The following SLAIN2 variants were observed in gnomAD, a reference collection of about 807,000 sequenced individuals.
The protein encoded by SLAIN2 is SLAIN motif-containing protein 2.
A neutral mutation model predicts 56.6 loss-of-function variants in SLAIN2; 31 were observed. The ratio of observed to expected loss-of-function variants is 0.55; its 90% CI spans 0.41 to 0.74. The LOEUF (loss-of-function observed/expected upper bound fraction) is 0.74. Among genes scored for constraint, SLAIN2 ranks in the 30% least tolerant of loss-of-function variants. SLAIN2 has a pLI of 0.00. For synonymous variants in SLAIN2, 317 were observed against 284.9 expected (o/e 1.11, Z -1.13); for missense variants, 777 against 754.2 (o/e 1.03, Z -0.35).
Position 48,416,690 on chromosome 4 carries a change from T to G in SLAIN2, c.1361-3435T>G, listed in dbSNP as rs1390939968. Among the ~76,000 whole-genome samples the G allele has an allele frequency of 2.0e-5, 3 of 150,780 alleles. No individual in the cohort carries two copies. In the South Asian group the frequency reaches 6.3e-4, roughly 32 times the overall value. ...AGTGCAATCAAACTAGAACTCAGGA[T>G]TAAAAATCTCACTCAAAGCCGCTCA... On this transcript the variant is annotated intron_variant, in intron 6 of 7. Transcript: ENST00000264313.
At chr4:48,420,034 C>T (rs1016469499) in intron 6 of SLAIN2, 91 bp from the exon 7 acceptor site, 1 of 1,258,392 alleles carries the variant, frequency 7.9e-7, no homozygotes, top group Admixed American at 2.1e-5. Context: ...TACACATGTA[C>T]TAGTGCCCAA....
chr4:48,407,221 C>G (rs190251489), intron 6 of SLAIN2, among the ~76,000 whole-genome samples: 58 of 151,836 alleles, frequency 3.8e-4, no homozygotes, highest in African/African-American at 1.3e-3. Flanking sequence ...TTGTCTGTTT[C>G]TCTTACATTA....
At chr4:48,392,988 A>C (rs1395462623) in intron 6 of SLAIN2, among the ~76,000 whole-genome samples, 2 of 151,800 alleles carry the variant, frequency 1.3e-5, no homozygotes, top group African/African-American at 4.8e-5. Flanking sequence ...GAGTAGATGA[A>C]TAAAAATATA....
chr4:48,414,136 G>T (rs1716935990), intron 6 of SLAIN2, among the ~76,000 whole-genome samples: 1 of 152,106 alleles, frequency 6.6e-6, no homozygotes, highest in South Asian at 2.1e-4. Context: ...TCTAATTTTT[G>T]CTCAGAGCAG....
At chr4:48,345,553 A>C (rs1328149829) in intron 1 of SLAIN2, among the ~76,000 whole-genome samples, 2 of 152,132 alleles carry the variant, frequency 1.3e-5, no homozygotes, top group Non-Finnish European at 2.9e-5. Flanking sequence ...ATTATGCTTA[A>C]TATGAGCCTG....
At chr4:48,357,225 G>A (rs1394079710) in intron 1 of SLAIN2, among the ~76,000 whole-genome samples, 1 of 151,896 alleles carries the variant, frequency 6.6e-6, no homozygotes, top group Admixed American at 6.6e-5. Flanking sequence ...AAAAGACGCC[G>A]TATATTTGAA....
intron 1 of SLAIN2, among the ~76,000 whole-genome samples, chr4:48,360,598 A>C (rs1402079096): frequency 6.6e-6 from 1 of 152,104 alleles, no homozygotes; most frequent in East Asian, 1.9e-4. Context: ...TCTCCAAAAA[A>C]AATTAAAAAA....
At chr4:48,353,455 G>T (rs1715064994) in intron 1 of SLAIN2, among the ~76,000 whole-genome samples, 1 of 151,510 alleles carries the variant, frequency 6.6e-6, no homozygotes, top group African/African-American at 2.4e-5. Flanking sequence ...GGCAAAGTAA[G>T]GCTAGGTTAG....
chr4:48,346,202 A>C (rs1165450056), intron 1 of SLAIN2, among the ~76,000 whole-genome samples: 2 of 152,162 alleles, frequency 1.3e-5, no homozygotes, highest in Non-Finnish European at 2.9e-5. Flanking sequence ...TGAATTTTGC[A>C]AGGAATCAGT....
intron 6 of SLAIN2, among the ~76,000 whole-genome samples, chr4:48,406,562 A>T (rs1716703754): frequency 7.2e-6 from 1 of 139,086 alleles, no homozygotes; most frequent in Non-Finnish European, 1.5e-5. Flanking sequence ...AGCTATATCC[A>T]CATTGTCAGA....
intron 1 of SLAIN2, among the ~76,000 whole-genome samples, chr4:48,365,632 C>G (rs886164638): frequency 7.2e-5 from 11 of 151,784 alleles, no homozygotes; most frequent in African/African-American, 2.7e-4. Context: ...GGGATCTTGG[C>G]TCACTGCAAC....
Position 48,379,990 on chromosome 4 carries a change from A to G in SLAIN2, c.862+142A>G, listed in dbSNP as rs573629417. The G allele has an allele frequency of 1.7e-4, 130 of 752,406 alleles. No homozygotes were observed. In the East Asian group the frequency reaches 3.8e-3, roughly 22 times the overall value. The allele number at this position is 752,406 out of a possible 1,614,324, so 46.6% of individuals were successfully genotyped here. A position where few individuals can be genotyped will look rare whatever the true frequency, so the allele number is the denominator to read the frequency against. ...AGTGGACATTTCAGAGACTTAGTCA[A>G]CATATGTACATGTTTATTCATCAAC... On this transcript the variant is annotated intron_variant, in intron 4 of 7. Transcript: ENST00000264313.
intron 1 of SLAIN2, among the ~76,000 whole-genome samples, chr4:48,358,095 C>A (rs764127944): frequency 6.6e-6 from 1 of 152,136 alleles, no homozygotes; most frequent in Non-Finnish European, 1.5e-5. Context: ...TTCTGGAGCA[C>A]TTTTGGTTTT....
At chr4:48,352,047 A>G (rs1009689000) in intron 1 of SLAIN2, among the ~76,000 whole-genome samples, 23 of 152,212 alleles carry the variant, frequency 1.5e-4, no homozygotes, top group African/African-American at 5.3e-4. Context: ...AAGCTGAATC[A>G]TTGGGTTGGA....
At chr4:48,365,920 G>A (rs1230936799) in intron 1 of SLAIN2, among the ~76,000 whole-genome samples, 2 of 151,676 alleles carry the variant, frequency 1.3e-5, no homozygotes, top group Admixed American at 6.6e-5. Context: ...ATTGATTTTA[G>A]ACCTCTTTTC....
chr4:48,356,033 C>CT (rs1715145648), intron 1 of SLAIN2, among the ~76,000 whole-genome samples: 1 of 152,062 alleles, frequency 6.6e-6, no homozygotes, highest in East Asian at 1.9e-4. Context: ...TTTGTAGATG[C>CT]TTTATCAACA....
At chr4:48,375,987 A>C (rs1488517371) in intron 2 of SLAIN2, among the ~76,000 whole-genome samples, 1 of 152,148 alleles carries the variant, frequency 6.6e-6, no homozygotes. Flanking sequence ...TGCCCTTTGC[A>C]CCTTTATGAT....
chr4:48,407,905 GAT>G (rs1716742096), intron 6 of SLAIN2, among the ~76,000 whole-genome samples: 1 of 152,064 alleles, frequency 6.6e-6, no homozygotes, highest in Non-Finnish European at 1.5e-5. Context: ...TCTGTCTCTA[GAT>G]TTGCCTATGT....
intron 6 of SLAIN2, among the ~76,000 whole-genome samples, chr4:48,398,844 A>G (rs1272134476): frequency 6.6e-6 from 1 of 152,078 alleles, no homozygotes; most frequent in African/African-American, 2.4e-5. Flanking sequence ...CTTCTGTTCC[A>G]TTGGTCCATT....
Sources: allele counts gnomAD v4.1 joint callset (sites outside exome capture counted in the v4.1 genomes callset), GRCh38; gene constraint gnomAD v4.1.1; transcripts MANE v1.5; gene names NCBI Gene and HGNC (gene_info 2026-07-23, HGNC 2026-07-21).